Variants in STARD4 observed in about 807,000 individuals in gnomAD.
The protein encoded by STARD4 is StAR related lipid transfer domain containing 4, also known as stAR-related lipid transfer protein 4.
A neutral mutation model predicts 24.9 loss-of-function variants in STARD4; 33 were observed. The observed-to-expected ratio is 1.32, with a 90% CI of 1.00 to 1.77. STARD4 has a LOEUF of 1.77. STARD4 is among the 40% of genes most tolerant of loss of function. The pLI is 0.00. For synonymous variants in STARD4, 88 were observed against 77.4 expected (o/e 1.14, Z -0.72); for missense variants, 238 against 249.3 (o/e 0.95, Z 0.31).
rs1756970396 is a variant in STARD4, at chr5:111,507,742, T to C, written c.-9-300A>G. Among the ~76,000 whole-genome samples the C allele has an allele frequency of 6.6e-6, 1 of 152,162 alleles. No homozygotes were observed. Among genetic ancestry groups the C allele is most frequent in the African/African-American group, 2.4e-5 (1 of 41,444 alleles). On this transcript the variant is annotated intron_variant, in intron 1 of 5. Coordinates refer to ENST00000296632, the MANE Select transcript of STARD4 (RefSeq NM_139164.3). This position sits in a 1 kb window ranked among gnomAD's most constrained non-coding sequence, Gnocchi z 4.4. The stretch of plus-strand genomic sequence containing the variant: ...AGGAAGGGGAAGCAATTGTATCTCA[T>C]ATATAGATATGCTGTTAACTCTCAA...
At chr5:111,500,860 T>A (rs1340095861) in intron 5 of STARD4, 142 bp downstream of exon 5, 2 of 1,567,964 alleles carry the variant, frequency 1.3e-6, no homozygotes, top group Non-Finnish European at 1.7e-6. Context: ...TTTTACTCCC[T>A]AGAGTTTAGC....
intron 5 of STARD4, chr5:111,500,326 A>G (rs1756341249): frequency 1.6e-6 from 2 of 1,277,310 alleles, no homozygotes; most frequent in African/African-American, 3.1e-5. Flanking sequence ...TAATCCTTTC[A>G]GAATACATGA....
intron 3 of STARD4, 60 bp downstream of exon 3, chr5:111,506,270 C>A (rs2112563694): frequency 2.8e-6 from 2 of 716,794 alleles, no homozygotes; most frequent in South Asian, 2.6e-5. Flanking sequence ...TACTTAGTGA[C>A]AATGGATATA....
In STARD4 at chr5:111,506,353, G is replaced by C. The variant is rs760785187; in HGVS notation, c.132C>G (p.Pro44=). The C allele has an allele frequency of 1.3e-6, 2 of 1,505,126 alleles. No homozygotes were observed. Among genetic ancestry groups the C allele is most frequent in the South Asian group, 2.4e-5 (2 of 83,978 alleles). 93.2% of individuals were successfully genotyped at this position (1,505,126 alleles called of 1,614,324 possible). ...ACAGATATCCATTAAATTCTTCTGA[G>C]GGTTTTCTCCAAACAGTTACATCTT... is the stretch of plus-strand genomic sequence containing the variant. ...KTKDVTVWRK[P]SEEFNGYLYK... is the part of the protein sequence containing the mutation. The change falls in exon 3 of 6, where the codon CCC becomes CCG. Residue 44 remains proline, a synonymous_variant. Coordinates refer to ENST00000296632, the MANE Select transcript of STARD4 (RefSeq NM_139164.3).
At chr5:111,501,933 A>C (rs1427727692) in intron 4 of STARD4, 29 bp downstream of exon 4, 53 of 1,612,796 alleles carry the variant, frequency 3.3e-5, no homozygotes, top group Non-Finnish European at 4.0e-5. Context: ...ACATACACAC[A>C]GTCTAAAGTA....
chr5:111,502,050 C>T lies in STARD4; in HGVS notation c.194G>A (p.Ser65Asn). 1 of 1,614,030 alleles carries T rather than the reference C, an allele frequency of 6.2e-7. No homozygotes were observed. Among genetic ancestry groups the T allele is most frequent in the Non-Finnish European group, 8.5e-7 (1 of 1,179,926 alleles). Reference protein sequence around the residue: ...AQGVIDDLVYSIIDHIRPGPC... With the variant: ...AQGVIDDLVYNIIDHIRPGPC... Reference sequence around the variant, plus strand: ...CCCTGGGCGTATATGGTCTATTATACTATAGACAAGGTCATCTATAACACC... The same window carrying T: ...CCCTGGGCGTATATGGTCTATTATATTATAGACAAGGTCATCTATAACACC... Residue 65 changes from serine to asparagine, a missense_variant, in exon 4 of 6, where the codon AGT becomes AAT. Transcript: ENST00000296632.
chr5:111,510,994 CG>C (rs1561543540), intron 1 of STARD4, among the ~76,000 whole-genome samples: 1 of 152,128 alleles, frequency 6.6e-6, no homozygotes, highest in East Asian at 1.9e-4. Flanking sequence ...TTTTCACTTC[CG>C]TCAACAGCTT....
intron 3 of STARD4, among the ~76,000 whole-genome samples, chr5:111,502,479 T>A (rs543512672): frequency 6.8e-4 from 97 of 142,198 alleles, no homozygotes; most frequent in Middle Eastern, 4.6e-3. Context: ...AAAAAAAAAA[T>A]AAAAATAAAA....
intron 4 of STARD4, among the ~76,000 whole-genome samples, chr5:111,501,427 T>C (rs1475266344): frequency 6.6e-6 from 1 of 152,210 alleles, no homozygotes; most frequent in Admixed American, 6.5e-5. Context: ...GTTTCAGTGT[T>C]TAAGATCAAA....
At chr5:111,501,888 C>A (rs562928616) in intron 4 of STARD4, 74 bp downstream of exon 4, 35 of 1,582,216 alleles carry the variant, frequency 2.2e-5, no homozygotes, top group Non-Finnish European at 3.0e-5. Flanking sequence ...TGCTCATGCT[C>A]ACATGCTCTG....
At chr5:111,502,787 C>A (rs1383440394) in intron 3 of STARD4, among the ~76,000 whole-genome samples, 1 of 149,928 alleles carries the variant, frequency 6.7e-6, no homozygotes, top group Non-Finnish European at 1.5e-5. Flanking sequence ...GAGTGAAATT[C>A]CATCTCAAAA....
Position 111,506,335 on chromosome 5 carries a change from T to A in STARD4, c.150A>T (p.Gly50=). The part of the protein sequence containing the change: ...VWRKPSEEFN[G]YLYKAQGVID... ...GTCTATAAAAAGTTACTTACAGATA[T>A]CCATTAAATTCTTCTGAGGGTTTTC... The change falls in exon 3 of 6, where the codon GGA becomes GGT. Residue 50 remains glycine, a synonymous_variant. Coordinates refer to ENST00000296632, the MANE Select transcript of STARD4 (RefSeq NM_139164.3). 6.7e-7 allele frequency: 1 copy of A among 1,491,446 alleles called. No homozygotes were observed. Among genetic ancestry groups the A allele is most frequent in the Non-Finnish European group, 9.2e-7 (1 of 1,086,168 alleles). The allele number at this position is 1,491,446 out of a possible 1,614,324, so 92.4% of individuals were successfully genotyped here.
intron 5 of STARD4, 110 bp from the exon 6 acceptor site, chr5:111,500,216 G>A: frequency 7.2e-7 from 1 of 1,384,508 alleles, no homozygotes; most frequent in East Asian, 2.6e-5. Context: ...TATCCATATA[G>A]ATGAAAATTA....
At chr5:111,501,234 A>G (rs1345352616) in intron 4 of STARD4, 118 bp from the exon 5 acceptor site, 2 of 1,120,462 alleles carry the variant, frequency 1.8e-6, no homozygotes, top group Admixed American at 3.3e-5. Flanking sequence ...CATAATTATA[A>G]TAATTCTTAC....
chr5:111,500,500 C>T (rs1156900484), intron 5 of STARD4: 1 of 1,035,280 alleles, frequency 9.7e-7, no homozygotes, highest in East Asian at 9.1e-5. Flanking sequence ...TAGATGTTTA[C>T]TTACAACTGC....
intron 1 of STARD4, among the ~76,000 whole-genome samples, chr5:111,508,084 C>T (rs778368346): frequency 2.6e-5 from 4 of 152,110 alleles, no homozygotes; most frequent in South Asian, 2.1e-4. Flanking sequence ...GTCTTTGATA[C>T]GGCTAGATCC....
In STARD4 at chr5:111,499,632, G is replaced by A. The variant is rs1024194361; in HGVS notation, c.*254C>T. ...GGTCAGATCAAAGCTGCAGTGAGCTGTGATCATACCACTGCCCTCCAGCAT... is the reference window on the plus strand; with the variant it reads ...GGTCAGATCAAAGCTGCAGTGAGCTATGATCATACCACTGCCCTCCAGCAT... On this transcript the variant is annotated 3_prime_UTR_variant, in exon 6 of 6. Transcript: ENST00000296632. 2.1e-6 allele frequency: 1 copy of A among 472,336 alleles called. No individual in the cohort carries two copies. The allele number at this position is 472,336 out of a possible 1,614,324, so 29.3% of individuals were successfully genotyped here.
At position 111,506,224 on chromosome 5, in the gene STARD4, A is replaced by C. The variant is rs563337742; in HGVS notation, c.155+106T>G. On this transcript the variant is annotated intron_variant, in intron 3 of 5. Transcript: ENST00000296632. ...AAAAAAAAAAAAAAAAAAAAGTTAA[A>C]GAACTCTTAAAAAGCTAAATCTTAC... 2.6e-5 allele frequency: 10 copies of C among 387,118 alleles called. No homozygotes were observed. In the South Asian group the frequency reaches 5.9e-4, roughly 23 times the overall value. The allele number at this position is 387,118 out of a possible 1,614,324, so 24.0% of individuals were successfully genotyped here.
intron 3 of STARD4, among the ~76,000 whole-genome samples, chr5:111,504,758 C>G (rs1199630556): frequency 6.6e-6 from 1 of 152,178 alleles, no homozygotes; most frequent in East Asian, 1.9e-4. Context: ...ATTAGAAAAT[C>G]TTAGATTCAA....
Sources: allele counts gnomAD v4.1 joint callset (sites outside exome capture counted in the v4.1 genomes callset), GRCh38; gene constraint gnomAD v4.1.1; non-coding constraint Gnocchi (gnomAD v3.1); transcripts MANE v1.5; gene names NCBI Gene and HGNC (gene_info 2026-07-23, HGNC 2026-07-21).